Variants in DACH1 observed in about 807,000 individuals in gnomAD.
DACH1 encodes the protein dachshund family transcription factor 1.
A neutral mutation model predicts 54.2 loss-of-function variants in DACH1; 12 were observed. That is an observed-to-expected ratio of 0.22 (90% CI 0.14 to 0.36). DACH1 has a LOEUF of 0.36. DACH1 is among the 10% of genes least tolerant of loss of function. DACH1 has a pLI of 1.00. For missense variants in DACH1, 805 were observed against 929.8 expected, an observed-to-expected ratio of 0.87 and a Z score of 1.75; for synonymous variants, 386 against 366.2, an observed-to-expected ratio of 1.05 and a Z score of -0.62.
intron 1 of DACH1, among the ~76,000 whole-genome samples, chr13:71,746,465 C>T (rs1405921438): frequency 6.6e-6 from 1 of 151,966 alleles, no homozygotes; most frequent in East Asian, 1.9e-4. Flanking sequence ...AAATGTGGCA[C>T]TAAAAAAGGC....
intron 2 of DACH1, among the ~76,000 whole-genome samples, chr13:71,644,367 A>G (rs1878127362): frequency 6.6e-6 from 1 of 152,208 alleles, no homozygotes; most frequent in African/African-American, 2.4e-5. Flanking sequence ...TTTTTATATC[A>G]GTATTTTCTA....
intron 6 of DACH1, among the ~76,000 whole-genome samples, chr13:71,549,695 T>C (rs1357639526): frequency 2.0e-5 from 3 of 152,054 alleles, no homozygotes; most frequent in African/African-American, 4.8e-5. Flanking sequence ...GATAAATTCC[T>C]GGGAAATGTA....
chr13:71,551,490 C>T (rs1593877892), intron 6 of DACH1, among the ~76,000 whole-genome samples: 1 of 152,222 alleles, frequency 6.6e-6, no homozygotes, highest in East Asian at 1.9e-4. Context: ...AACCAGCAAT[C>T]TAACTACCTT....
intron 1 of DACH1, among the ~76,000 whole-genome samples, chr13:71,784,515 A>C (rs1026497517): frequency 1.3e-5 from 2 of 152,148 alleles, no homozygotes; most frequent in Non-Finnish European, 2.9e-5. Context: ...ACCCACTCAC[A>C]TAAGAAAACA....
At chr13:71,633,069 CTT>C (rs1204615606) in intron 2 of DACH1, among the ~76,000 whole-genome samples, 7 of 152,148 alleles carry the variant, frequency 4.6e-5, no homozygotes, top group Admixed American at 3.3e-4. Context: ...CTTCAAAAGT[CTT>C]TGTCTTGGAT....
At chr13:71,738,595 G>T (rs191433028) in intron 1 of DACH1, among the ~76,000 whole-genome samples, 24 of 151,716 alleles carry the variant, frequency 1.6e-4, no homozygotes, top group African/African-American at 5.6e-4. Flanking sequence ...GGCCAGGCAT[G>T]GTGGCACCTG....
chr13:71,724,112 G>T (rs563885309), intron 1 of DACH1, among the ~76,000 whole-genome samples: 1 of 152,126 alleles, frequency 6.6e-6, no homozygotes, highest in Non-Finnish European at 1.5e-5. Flanking sequence ...TAAACCTAAG[G>T]TAAGTAGAAA....
intron 2 of DACH1, among the ~76,000 whole-genome samples, chr13:71,674,793 A>G (rs1306651400): frequency 1.3e-5 from 2 of 152,242 alleles, no homozygotes; most frequent in Admixed American, 1.3e-4. Context: ...AAAAGGAAAA[A>G]AAAAAGAAGA....
chr13:71,630,429 T>A (rs1352020821), intron 3 of DACH1, 127 bp downstream of exon 3: 1 of 1,400,162 alleles, frequency 7.1e-7, no homozygotes. Flanking sequence ...TCCTCAAACA[T>A]ACAGTGTTTT....
chr13:71,815,857 G>A lies in DACH1; in HGVS notation c.848+50065C>T, dbSNP rs1274109623. 7.9e-5 allele frequency among the ~76,000 whole-genome samples: 12 copies of A among 152,058 alleles called. No individual in the cohort carries two copies. In the East Asian group the frequency reaches 1.2e-3, roughly 15 times the overall value. ...TCCCAGCACTTTGGGAGGCCGAGGCGGGCGGATCACGAGGTCAGGAGATCG... is the reference window on the plus strand; with the variant it reads ...TCCCAGCACTTTGGGAGGCCGAGGCAGGCGGATCACGAGGTCAGGAGATCG... On this transcript the variant is annotated intron_variant, in intron 1 of 10. Coordinates refer to ENST00000613252, the MANE Select transcript of DACH1 (RefSeq NM_080759.6).
chr13:71,518,810 C>T (rs1881350505), intron 6 of DACH1, among the ~76,000 whole-genome samples: 1 of 151,666 alleles, frequency 6.6e-6, no homozygotes, highest in African/African-American at 2.4e-5. Context: ...AAACTATGGA[C>T]CATAGGTCAG....
At chr13:71,549,927 TTAAA>T (rs1044450928) in intron 6 of DACH1, among the ~76,000 whole-genome samples, 60 of 152,144 alleles carry the variant, frequency 3.9e-4, no homozygotes, top group Non-Finnish European at 6.9e-4. Context: ...TGAAATTGTA[TTAAA>T]TAAATAAAGA....
At chr13:71,748,868 TTCTTTCTTTCTTTCTTTC>T (rs1439385502) in intron 1 of DACH1, among the ~76,000 whole-genome samples, 1 of 22,754 alleles carries the variant, frequency 4.4e-5, no homozygotes, top group Non-Finnish European at 1.8e-4. Context: ...CTTTCTTTCT[TTCTTTCTTTCTTTCTTTC>T]TTTCTTTCTT....
chr13:71,555,386 C>T (rs1170144265), intron 6 of DACH1, among the ~76,000 whole-genome samples: 2 of 151,836 alleles, frequency 1.3e-5, no homozygotes, highest in Non-Finnish European at 2.9e-5. Context: ...CTCTGTCACC[C>T]GGGCTGCAGT....
chr13:71,813,960 G>A (rs974111581), intron 1 of DACH1, among the ~76,000 whole-genome samples: 1 of 152,162 alleles, frequency 6.6e-6, no homozygotes, highest in South Asian at 2.1e-4. Flanking sequence ...TCAAGCCAAG[G>A]AGTGTCTCCA....
chr13:71,751,905 CT>C (rs1351706300), intron 1 of DACH1, among the ~76,000 whole-genome samples: 1 of 152,042 alleles, frequency 6.6e-6, no homozygotes, highest in Non-Finnish European at 1.5e-5. Context: ...TATTTAAAAA[CT>C]TTTATGTGTG....
At chr13:71,629,230 T>C (rs1450157395) in intron 3 of DACH1, among the ~76,000 whole-genome samples, 2 of 152,074 alleles carry the variant, frequency 1.3e-5, no homozygotes, top group Non-Finnish European at 2.9e-5. Flanking sequence ...CTCCCTGTCT[T>C]CCCTCCAGGA....
chr13:71,456,569 A>G (rs1007756602), intron 10 of DACH1, among the ~76,000 whole-genome samples: 12 of 152,104 alleles, frequency 7.9e-5, no homozygotes, highest in Admixed American at 7.2e-4. Flanking sequence ...TTTTCCCACC[A>G]TAGGGACTCT....
intron 1 of DACH1, among the ~76,000 whole-genome samples, chr13:71,728,490 C>T (rs1883583335): frequency 6.6e-6 from 1 of 151,854 alleles, no homozygotes; most frequent in Admixed American, 6.6e-5. Flanking sequence ...AAAAACTGTG[C>T]CTCTAAAGAG....
Sources: gnomAD v4.1 joint callset for allele counts (sites outside exome capture counted in the v4.1 genomes callset) on GRCh38, gnomAD v4.1.1 for gene constraint, MANE v1.5 for transcripts, NCBI Gene and HGNC (gene_info 2026-07-23, HGNC 2026-07-21) for gene names.